DSCAM: variants seen among roughly 807,000 people sequenced by gnomAD.
DSCAM encodes DS cell adhesion molecule.
DSCAM carries 47 observed loss-of-function variants against 217.7 expected under a neutral mutation model. That is an observed-to-expected ratio of 0.22 (90% CI 0.17 to 0.28). DSCAM has a LOEUF of 0.28. Ranked by LOEUF, DSCAM falls within the 10% of genes least tolerant of loss-of-function variation. DSCAM has a pLI of 1.00. For missense variants in DSCAM, 2,080 were observed against 2,618.3 expected, an observed-to-expected ratio of 0.79 and a Z score of 4.49; for synonymous variants, 1,056 against 1,015.3, an observed-to-expected ratio of 1.04 and a Z score of -0.76.
intron 1 of DSCAM, among the ~76,000 whole-genome samples, chr21:40,838,684 T>C (rs1056477230): frequency 5.9e-5 from 9 of 152,234 alleles, no homozygotes; most frequent in African/African-American, 2.2e-4. Flanking sequence ...CTTGTATGAA[T>C]CAAAATCAGT....
chr21:40,254,994 C>T lies in DSCAM; in HGVS notation c.2356+21103G>A, dbSNP rs58759087. On this transcript the variant is annotated intron_variant, in intron 11 of 32. Transcript: ENST00000400454. ...ATTATAAGCTCCGTGTGGGTAAAGG[C>T]CCCCTGGTCTAATCACAATTGCATC... Among the ~76,000 whole-genome samples the T allele has an allele frequency of 9.2e-5, 14 of 152,158 alleles. No homozygotes were observed. The East Asian group carries it at 2.3e-3, about 25-fold the overall frequency.
chr21:40,186,588 G>A (rs1450192074), intron 14 of DSCAM, among the ~76,000 whole-genome samples: 5 of 152,274 alleles, frequency 3.3e-5, no homozygotes, highest in African/African-American at 9.6e-5. Flanking sequence ...GGGCCGAGTG[G>A]TCCTGGGTGC....
chr21:40,094,643 T>C lies in DSCAM; in HGVS notation c.3697-769A>G, dbSNP rs569773695. Among the ~76,000 whole-genome samples the C allele has an allele frequency of 2.9e-3, 443 of 152,248 alleles. 2 individuals carry two copies. The highest frequency in any genetic ancestry group is 9.9e-3 in the African/African-American group (413 of 41,532). The stretch of plus-strand genomic sequence containing the variant: ...GTAGTGGCTGTTCTCACCAGTTGGG[T>C]TGGAAAACATCAAGATTCCTCGAGC... On this transcript the variant is annotated intron_variant, in intron 20 of 32. Transcript: ENST00000400454.
At chr21:40,674,300 T>G (rs895158830) in intron 3 of DSCAM, among the ~76,000 whole-genome samples, 1 of 152,202 alleles carries the variant, frequency 6.6e-6, no homozygotes, top group Non-Finnish European at 1.5e-5. Context: ...AACAGAAAAA[T>G]GCTTCAGTTG....
At chr21:40,377,357 G>A (rs1311549097) in intron 3 of DSCAM, among the ~76,000 whole-genome samples, 6 of 152,134 alleles carry the variant, frequency 3.9e-5, no homozygotes, top group Non-Finnish European at 8.8e-5. Context: ...CATGGCACAA[G>A]TGTGAGACGG....
chr21:40,795,936 A>T (rs1025285405), intron 1 of DSCAM, among the ~76,000 whole-genome samples: 18 of 152,238 alleles, frequency 1.2e-4, no homozygotes, highest in African/African-American at 4.3e-4. Flanking sequence ...CTGTGCAGTG[A>T]GGACTAGGGT....
chr21:40,447,762 A>AT (rs1451329339), intron 3 of DSCAM, among the ~76,000 whole-genome samples: 1 of 152,150 alleles, frequency 6.6e-6, no homozygotes, highest in Non-Finnish European at 1.5e-5. Context: ...AATGACATTA[A>AT]TTTTTTTCTC....
chr21:40,594,510 G>C (rs2077006896), intron 3 of DSCAM, among the ~76,000 whole-genome samples: 1 of 152,168 alleles, frequency 6.6e-6, no homozygotes, highest in African/African-American at 2.4e-5. Flanking sequence ...ACTGTCTCAA[G>C]ACTGCTGTGA....
intron 3 of DSCAM, among the ~76,000 whole-genome samples, chr21:40,624,505 C>T (rs963904995): frequency 1.3e-5 from 2 of 152,150 alleles, no homozygotes; most frequent in African/African-American, 4.8e-5. Context: ...ACAGAGCAGC[C>T]TCATCTCCAA....
In DSCAM at chr21:40,163,070, A is replaced by AACACACACACACACACAC. The variant is rs3069756; in HGVS notation, c.3018+4130_3018+4147dup. ...TTTTATTTTATGAGTGACCATGGCA[A>AACACACACACACACACAC]ACACACACACACACACACACACACA... On this transcript the variant is annotated intron_variant, in intron 16 of 32. Coordinates refer to ENST00000400454, the MANE Select transcript of DSCAM (RefSeq NM_001389.5). Among the ~76,000 whole-genome samples the AACACACACACACACACAC allele has an allele frequency of 1.6e-3, 234 of 143,226 alleles. 1 individual carries two copies. Among genetic ancestry groups the AACACACACACACACACAC allele is most frequent in the African/African-American group, 5.5e-3 (213 of 38,396 alleles). The allele number at this position is 143,226 out of a possible 152,430, so 94.0% of individuals were successfully genotyped here.
intron 3 of DSCAM, among the ~76,000 whole-genome samples, chr21:40,592,488 T>C (rs1232577667): frequency 3.3e-5 from 5 of 152,150 alleles, no homozygotes. Context: ...ATTTTTAAGG[T>C]GTAGTGGTTT....
intron 3 of DSCAM, chr21:40,621,530 A>AGCCAG (rs2089517244): frequency 6.6e-6 from 1 of 152,082 alleles, no homozygotes; most frequent in African/African-American, 2.4e-5. Flanking sequence ...TGCCCTTTGC[A>AGCCAG]GCCAGGCCAG....
chr21:40,834,596 C>G (rs1000107494), intron 1 of DSCAM, among the ~76,000 whole-genome samples: 1 of 151,946 alleles, frequency 6.6e-6, no homozygotes, highest in Non-Finnish European at 1.5e-5. Flanking sequence ...CCATCAAAGA[C>G]CTTTAGGGAG....
intron 8 of DSCAM, among the ~76,000 whole-genome samples, chr21:40,321,418 T>G (rs1348634616): frequency 6.6e-6 from 1 of 152,200 alleles, no homozygotes; most frequent in Non-Finnish European, 1.5e-5. Flanking sequence ...TAGCAAAATA[T>G]TTTGGTTGCA....
intron 3 of DSCAM, among the ~76,000 whole-genome samples, chr21:40,452,457 C>T (rs1481105957): frequency 6.6e-6 from 1 of 151,718 alleles, no homozygotes; most frequent in African/African-American, 2.4e-5. Flanking sequence ...AGAGTGATAT[C>T]GTATGCAATT....
chr21:40,372,516 G>C (rs2074908921), intron 3 of DSCAM, among the ~76,000 whole-genome samples: 1 of 152,282 alleles, frequency 6.6e-6, no homozygotes, highest in East Asian at 1.9e-4. Context: ...TTTGGATTTT[G>C]AGTCATCATT....
intron 3 of DSCAM, among the ~76,000 whole-genome samples, chr21:40,470,907 C>G (rs1363635141): frequency 6.6e-6 from 1 of 152,168 alleles, no homozygotes; most frequent in Non-Finnish European, 1.5e-5. Flanking sequence ...AATATTGATT[C>G]AGTAGTCTTA....
chr21:40,791,303 C>T (rs902851774), intron 1 of DSCAM, among the ~76,000 whole-genome samples: 3 of 151,798 alleles, frequency 2.0e-5, no homozygotes, highest in African/African-American at 7.3e-5. Flanking sequence ...AAGCGTGCAA[C>T]ACTGACAATA....
In DSCAM at chr21:40,347,951, G is replaced by C. The variant is rs942656950; in HGVS notation, c.935-6C>G. 6.2e-7 allele frequency: 1 copy of C among 1,608,280 alleles called. No individual in the cohort carries two copies. Among genetic ancestry groups the C allele is most frequent in the African/African-American group, 1.3e-5 (1 of 74,564 alleles). On this transcript the variant is annotated splice_polypyrimidine_tract_variant and splice_region_variant and intron_variant, in intron 5 of 32. Coordinates refer to ENST00000400454, the MANE Select transcript of DSCAM (RefSeq NM_001389.5). ...GATGGTGGCTTTCAGTGGCTCTGGA[G>C]GTTTTAGTAAGAGAGAGAGAAAAAA...
Sources: allele counts gnomAD v4.1 joint callset (sites outside exome capture counted in the v4.1 genomes callset), GRCh38; gene constraint gnomAD v4.1.1; transcripts MANE v1.5; gene names NCBI Gene and HGNC (gene_info 2026-07-23, HGNC 2026-07-21).